The following RBP7 variants were observed in gnomAD, a reference collection of about 807,000 sequenced individuals.
The protein encoded by RBP7 is retinol binding protein 7.
In RBP7, 13 loss-of-function variants were observed where a neutral mutation model predicts 16.7. That is an observed-to-expected ratio of 0.78 (90% CI 0.51 to 1.24). The LOEUF (loss-of-function observed/expected upper bound fraction) is 1.24, where lower values mean the gene tolerates loss of function less well. Ranked by LOEUF, RBP7 falls within the 50% of genes most tolerant of loss-of-function variation. The pLI, the probability that RBP7 is intolerant of heterozygous loss-of-function variation, is 0.00. For synonymous variants in RBP7, 54 were observed against 56.2 expected (o/e 0.96, Z 0.17); for missense variants, 145 against 159.5 (o/e 0.91, Z 0.49).
At chr1:10,010,886 G>T (rs916142941) in intron 3 of RBP7, among the ~76,000 whole-genome samples, 8 of 151,950 alleles carry the variant, frequency 5.3e-5, no homozygotes, top group Non-Finnish European at 4.4e-5. Context: ...GCCCGGCCAT[G>T]CCCAGCTAAT....
At chr1:9,998,391 C>CTTTCTTTG (rs1642209876) in intron 1 of RBP7, among the ~76,000 whole-genome samples, 1 of 116,064 alleles carries the variant, frequency 8.6e-6, no homozygotes, top group South Asian at 2.9e-4. Context: ...TTCTTTTTTT[C>CTTTCTTTG]TTTCTTTCTT....
Position 9,997,394 on chromosome 1 carries a change from G to A in RBP7, c.73+63G>A. The A allele has an allele frequency of 6.5e-7, 1 of 1,537,898 alleles. No homozygotes were observed. The highest frequency in any genetic ancestry group is 1.1e-5 in the South Asian group (1 of 88,630). ...CCGTGGGTCTCGGGATCAGGCGAAGGCGGCCGGGCCGGGCCTGTAGGTACG... is the reference window on the plus strand; with the variant it reads ...CCGTGGGTCTCGGGATCAGGCGAAGACGGCCGGGCCGGGCCTGTAGGTACG... On this transcript the variant is annotated intron_variant, in intron 1 of 3. Transcript: ENST00000294435. This position sits in a 1 kb window ranked among gnomAD's most constrained non-coding sequence, Gnocchi z 5.9.
intron 1 of RBP7, among the ~76,000 whole-genome samples, chr1:10,001,142 C>A (rs960735496): frequency 1.3e-5 from 2 of 152,136 alleles, no homozygotes; most frequent in Admixed American, 1.3e-4. Flanking sequence ...TGATGTGCTC[C>A]AGCTGGCATC....
intron 3 of RBP7, among the ~76,000 whole-genome samples, chr1:10,012,898 G>A (rs1235662283): frequency 7.5e-6 from 1 of 132,814 alleles, no homozygotes; most frequent in African/African-American, 3.0e-5. Context: ...CCAAGATCGC[G>A]CCACGGCACT....
At chr1:10,007,462 T>C in intron 1 of RBP7, 108 bp from the exon 2 acceptor site, 1 of 830,676 alleles carries the variant, frequency 1.2e-6, no homozygotes, top group Non-Finnish European at 1.9e-6. Context: ...ATAGAAGTCG[T>C]ACAGGAAATG....
intron 1 of RBP7, among the ~76,000 whole-genome samples, chr1:10,003,913 G>A (rs781090068): frequency 1.3e-5 from 2 of 151,622 alleles, no homozygotes; most frequent in African/African-American, 2.4e-5. Flanking sequence ...CCCCCACCAC[G>A]CCTGACTAAT....
At chr1:10,000,805 G>A (rs1188850453) in intron 1 of RBP7, among the ~76,000 whole-genome samples, 2 of 151,682 alleles carry the variant, frequency 1.3e-5, no homozygotes, top group African/African-American at 4.8e-5. Context: ...GTGCGATCTC[G>A]GCTCACTGCA....
At chr1:10,014,360 GTTTCTTTTCT>G (rs556466196) in intron 3 of RBP7, among the ~76,000 whole-genome samples, 1 of 151,404 alleles carries the variant, frequency 6.6e-6, no homozygotes, top group South Asian at 2.1e-4. Context: ...CCATCAGGCT[GTTTCTTTTCT>G]TTTCTTTTCT....
rs1421550397 is a variant in RBP7 at position 10,003,300 on chromosome 1, C to T, written c.74-4270C>T. 2.6e-5 allele frequency among the ~76,000 whole-genome samples: 4 copies of T among 152,124 alleles called. No individual in the cohort carries two copies. The East Asian group carries it at 7.7e-4, about 29-fold the overall frequency. On this transcript the variant is annotated intron_variant, in intron 1 of 3. Coordinates refer to ENST00000294435, the MANE Select transcript of RBP7 (RefSeq NM_052960.3). ...AATTAGCTGGGCGTGGTGGTGGGCA[C>T]CTGTAGTCTCAGCTACTCAGGAGAC...
At chr1:10,000,454 A>C in intron 1 of RBP7, among the ~76,000 whole-genome samples, 1 of 151,832 alleles carries the variant, frequency 6.6e-6, no homozygotes, top group Non-Finnish European at 1.5e-5. Flanking sequence ...GAATCGCTTG[A>C]ACCTGAGAGG....
At chr1:10,015,646 G>T in intron 3 of RBP7, 136 bp from the exon 4 acceptor site, 1 of 692,832 alleles carries the variant, frequency 1.4e-6, no homozygotes, top group Non-Finnish European at 2.5e-6. Context: ...CAGGACGACA[G>T]AGTGAGACCC....
intron 3 of RBP7, among the ~76,000 whole-genome samples, chr1:10,014,046 G>A (rs1333833985): frequency 6.6e-6 from 1 of 152,108 alleles, no homozygotes; most frequent in Non-Finnish European, 1.5e-5. Context: ...CGACATGACT[G>A]TCTACTGAGG....
chr1:10,013,002 A>T (rs1642670114), intron 3 of RBP7, among the ~76,000 whole-genome samples: 1 of 151,376 alleles, frequency 6.6e-6, no homozygotes, highest in African/African-American at 2.4e-5. Context: ...CATACCCTGG[A>T]AATCTGCCCA....
At position 10,012,051 on chromosome 1, in the gene RBP7, T is replaced by A. The variant is rs182416424; in HGVS notation, c.355-3731T>A. 8.5e-3 allele frequency among the ~76,000 whole-genome samples: 1,252 copies of A among 147,848 alleles called. 18 individuals carry two copies. Among genetic ancestry groups the A allele is most frequent in the African/African-American group, 0.028 (1,134 of 40,434 alleles). ...ACTCCCGTCTCTACTAAAAAATATT[T>A]AAAAAAAAAATCAGCTGAGAGTGGT... is the stretch of plus-strand genomic sequence containing the variant. On this transcript the variant is annotated intron_variant, in intron 3 of 3. Transcript: ENST00000294435.
At chr1:10,007,432 T>TCG in intron 1 of RBP7, 138 bp from the exon 2 acceptor site, 1 of 708,272 alleles carries the variant, frequency 1.4e-6, no homozygotes, top group Non-Finnish European at 2.3e-6. Context: ...CTTGTAGATC[T>TCG]GATTTTGGCA....
At chr1:10,007,479 A>G (rs1282666946) in intron 1 of RBP7, 91 bp from the exon 2 acceptor site, 6 of 925,734 alleles carry the variant, frequency 6.5e-6, no homozygotes, top group African/African-American at 5.0e-5. Context: ...AATGCTAACA[A>G]TTACATGTGG....
At chr1:10,008,633 G>T (rs981403078) in intron 3 of RBP7, among the ~76,000 whole-genome samples, 1 of 151,242 alleles carries the variant, frequency 6.6e-6, no homozygotes, top group Non-Finnish European at 1.5e-5. Context: ...TGGAGACGGG[G>T]TTTCACCATG....
At chr1:10,013,074 ATT>A (rs537432311) in intron 3 of RBP7, among the ~76,000 whole-genome samples, 4 of 137,570 alleles carry the variant, frequency 2.9e-5, no homozygotes, top group African/African-American at 2.7e-5. Flanking sequence ...ACTTACCATG[ATT>A]TTTTTTTTTT....
At chr1:9,998,585 T>C (rs1200751273) in intron 1 of RBP7, among the ~76,000 whole-genome samples, 1 of 151,542 alleles carries the variant, frequency 6.6e-6, no homozygotes, top group African/African-American at 2.4e-5. Flanking sequence ...ATTTTTGTAT[T>C]TTTTAGTAGA....
Sources: gnomAD v4.1 joint callset for allele counts (sites outside exome capture counted in the v4.1 genomes callset) on GRCh38, gnomAD v4.1.1 for gene constraint, Gnocchi (gnomAD v3.1) non-coding constraint, MANE v1.5 for transcripts, NCBI Gene and HGNC (gene_info 2026-07-23, HGNC 2026-07-21) for gene names.